TRDN: variants seen among roughly 807,000 people sequenced by gnomAD.
TRDN encodes the protein triadin, also known as triadin in skeletal muscle.
Under a neutral mutation model 149.7 loss-of-function variants are expected in TRDN, and 161 were observed. The ratio of observed to expected loss-of-function variants is 1.08; its 90% CI spans 0.95 to 1.23. TRDN has a LOEUF of 1.23. Among genes scored for constraint, TRDN ranks in the 50% most tolerant of loss-of-function variants. The pLI is 0.00. For synonymous variants in TRDN, 294 were observed against 250.5 expected (o/e 1.17, Z -1.64); for missense variants, 896 against 823.5 (o/e 1.09, Z -1.08).
chr6:123,355,497 C>G (rs1780631415), intron 20 of TRDN, among the ~76,000 whole-genome samples: 1 of 151,692 alleles, frequency 6.6e-6, no homozygotes, highest in African/African-American at 2.4e-5. Flanking sequence ...GGATACCACT[C>G]AGTCTTGATT....
intron 12 of TRDN, among the ~76,000 whole-genome samples, chr6:123,407,642 C>G (rs1239002470): frequency 6.6e-6 from 1 of 151,996 alleles, no homozygotes; most frequent in Admixed American, 6.6e-5. Context: ...ATGGACAATA[C>G]ATACTCTTTC....
chr6:123,480,654 G>A (rs1777708770), intron 9 of TRDN, among the ~76,000 whole-genome samples: 1 of 152,126 alleles, frequency 6.6e-6, no homozygotes, highest in African/African-American at 2.4e-5. Flanking sequence ...TGATTTTTGG[G>A]AATGTGAGGG....
intron 23 of TRDN, among the ~76,000 whole-genome samples, chr6:123,330,006 C>A (rs1380276772): frequency 6.6e-6 from 1 of 151,982 alleles, no homozygotes; most frequent in Non-Finnish European, 1.5e-5. Flanking sequence ...ACTAATATCT[C>A]TAACGATGAA....
chr6:123,390,651 C>A (rs1210752586), intron 13 of TRDN, among the ~76,000 whole-genome samples: 3 of 152,080 alleles, frequency 2.0e-5, no homozygotes, highest in African/African-American at 7.2e-5. Flanking sequence ...TCTCGGGATT[C>A]AATTGTTTCT....
At chr6:123,368,188 A>G (rs561575964) in intron 19 of TRDN, among the ~76,000 whole-genome samples, 1 of 152,232 alleles carries the variant, frequency 6.6e-6, no homozygotes, top group South Asian at 2.1e-4. Context: ...GCATATTTAT[A>G]TCCTCTTTGT....
At chr6:123,629,796 G>A (rs1785884265) in intron 1 of TRDN, among the ~76,000 whole-genome samples, 1 of 152,044 alleles carries the variant, frequency 6.6e-6, no homozygotes, top group African/African-American at 2.4e-5. Flanking sequence ...GATGTTTGAT[G>A]TTTAGAGAGC....
At chr6:123,367,325 T>C (rs1781144260) in intron 19 of TRDN, among the ~76,000 whole-genome samples, 1 of 152,204 alleles carries the variant, frequency 6.6e-6, no homozygotes, top group Non-Finnish European at 1.5e-5. Flanking sequence ...TTTATTCTTA[T>C]TGGTATTTGT....
intron 21 of TRDN, among the ~76,000 whole-genome samples, chr6:123,346,154 G>C (rs190350539): frequency 6.6e-6 from 1 of 152,066 alleles, no homozygotes; most frequent in Admixed American, 6.6e-5. Context: ...TAGAATGTTA[G>C]CTGTAGGATT....
chr6:123,379,789 T>C (rs975936666), intron 16 of TRDN, among the ~76,000 whole-genome samples: 13 of 152,274 alleles, frequency 8.5e-5, no homozygotes, highest in Middle Eastern at 3.4e-3. Flanking sequence ...ATTTTTGAGG[T>C]CTCTTTCTTT....
intron 5 of TRDN, among the ~76,000 whole-genome samples, chr6:123,528,265 T>C (rs540304662): frequency 1.0e-5 from 1 of 95,642 alleles, no homozygotes; most frequent in Admixed American, 1.1e-4. Context: ...TTACATATTC[T>C]GTGTGATTTT....
intron 12 of TRDN, among the ~76,000 whole-genome samples, chr6:123,424,609 C>A (rs1774040775): frequency 6.6e-6 from 1 of 152,040 alleles, no homozygotes; most frequent in Admixed American, 6.6e-5. Flanking sequence ...CTTTTGAAAT[C>A]TAAATGCTGA....
chr6:123,305,854 C>A (rs1031347027), intron 24 of TRDN, among the ~76,000 whole-genome samples: 1 of 152,090 alleles, frequency 6.6e-6, no homozygotes, highest in Non-Finnish European at 1.5e-5. Flanking sequence ...ACTTTTTGTT[C>A]AAATTGTACT....
chr6:123,242,194 T>C (rs943000158), intron 38 of TRDN, among the ~76,000 whole-genome samples: 5 of 152,196 alleles, frequency 3.3e-5, no homozygotes, highest in Admixed American at 2.0e-4. Flanking sequence ...CTTGGTTTTA[T>C]TTCACATTTT....
chr6:123,337,517 T>C (rs1779916927), intron 22 of TRDN, 102 bp downstream of exon 22: 1 of 432,694 alleles, frequency 2.3e-6, no homozygotes, highest in Middle Eastern at 6.8e-4. Context: ...TCTGCAGTTC[T>C]GGTTTACATA....
At chr6:123,337,695 A>G in intron 21 of TRDN, 26 bp from the exon 22 acceptor site, 2 of 1,392,032 alleles carry the variant, frequency 1.4e-6, no homozygotes, top group Non-Finnish European at 1.9e-6. Flanking sequence ...TGGGAAGAAA[A>G]AGTTACAAGG....
At chr6:123,319,625 T>C (rs1779168043) in intron 23 of TRDN, among the ~76,000 whole-genome samples, 1 of 152,160 alleles carries the variant, frequency 6.6e-6, no homozygotes, top group Non-Finnish European at 1.5e-5. Flanking sequence ...TTTTTCATTC[T>C]GTCTTCACTG....
intron 22 of TRDN, among the ~76,000 whole-genome samples, chr6:123,336,944 AAATAGGT>A (rs58556750): frequency 6.6e-6 from 1 of 152,068 alleles, no homozygotes; most frequent in African/African-American, 2.4e-5. Context: ...TTGAAGGCTG[AAATAGGT>A]AGAGAAGGCT....
At chr6:123,627,953 C>T (rs1012491728) in intron 1 of TRDN, among the ~76,000 whole-genome samples, 14 of 152,148 alleles carry the variant, frequency 9.2e-5, no homozygotes, top group Admixed American at 9.2e-4. Flanking sequence ...AGATTTAGGG[C>T]CTTGGTCTGG....
intron 38 of TRDN, among the ~76,000 whole-genome samples, chr6:123,225,041 T>C (rs1426430344): frequency 1.3e-5 from 2 of 151,692 alleles, no homozygotes; most frequent in Non-Finnish European, 2.9e-5. Flanking sequence ...AAGACATTGA[T>C]ACAACTCAAT....
Sources: gnomAD v4.1 joint callset for allele counts (sites outside exome capture counted in the v4.1 genomes callset) on GRCh38, gnomAD v4.1.1 for gene constraint, MANE v1.5 for transcripts, NCBI Gene and HGNC (gene_info 2026-07-23, HGNC 2026-07-21) for gene names.